Variants in CSNK1A1 observed in about 807,000 individuals in gnomAD.
CSNK1A1 encodes the protein casein kinase 1 alpha 1, also known as casein kinase I isoform alpha.
A neutral mutation model predicts 46.1 loss-of-function variants in CSNK1A1; 7 were observed. That is an observed-to-expected ratio of 0.15 (90% CI 0.09 to 0.29). The LOEUF (loss-of-function observed/expected upper bound fraction) is 0.29, where lower values mean the gene tolerates loss of function less well. CSNK1A1 is among the 10% of genes least tolerant of loss of function. The pLI, the probability that CSNK1A1 is intolerant of heterozygous loss-of-function variation, is 1.00. For missense variants in CSNK1A1, 96 were observed against 417.1 expected, an observed-to-expected ratio of 0.23 and a Z score of 6.71; for synonymous variants, 137 against 141.5, an observed-to-expected ratio of 0.97 and a Z score of 0.23.
At chr5:149,504,132 G>T (rs1760955792) in intron 9 of CSNK1A1, 1 of 985,310 alleles carries the variant, frequency 1.0e-6, no homozygotes, top group Non-Finnish European at 1.2e-6. Context: ...GAGATGCAGA[G>T]GCAGAGCACT....
chr5:149,528,378 G>C (rs1167423725), intron 2 of CSNK1A1, among the ~76,000 whole-genome samples: 2 of 152,162 alleles, frequency 1.3e-5, no homozygotes, highest in African/African-American at 4.8e-5. Context: ...TTAAACCTAA[G>C]AGACAGGAGT....
At chr5:149,513,265 G>A (rs1004334032) in intron 4 of CSNK1A1, 56 bp from the exon 5 acceptor site, 35 of 1,480,096 alleles carry the variant, frequency 2.4e-5, no homozygotes, top group African/African-American at 2.1e-4. Context: ...ATTAAACTGC[G>A]TCTTATTCAT....
Position 149,551,245 on chromosome 5 carries a change from G to A in CSNK1A1, c.-281C>T, listed in dbSNP as rs766735936. 9.6e-6 allele frequency: 3 copies of A among 311,538 alleles called. No homozygotes were observed. Among genetic ancestry groups the A allele is most frequent in the African/African-American group, 4.4e-5 (2 of 45,680 alleles). The allele number at this position is 311,538 out of a possible 1,614,324, so 19.3% of individuals were successfully genotyped here. ...CGGCGGCCGCCGCTGCCTCGCTTGC[G>A]CGGCGACGTCGCGGGCTGGAAAAGG... is the stretch of plus-strand genomic sequence containing the variant. On this transcript the variant is annotated 5_prime_UTR_variant, in exon 1 of 10. Transcript: ENST00000377843.
At chr5:149,516,092 G>A (rs566478878) in intron 4 of CSNK1A1, among the ~76,000 whole-genome samples, 4 of 152,314 alleles carry the variant, frequency 2.6e-5, no homozygotes, top group Admixed American at 2.6e-4. Flanking sequence ...GGCCAAGGCA[G>A]GTGGATCACT....
At chr5:149,502,891 C>T in intron 9 of CSNK1A1, 2 of 607,308 alleles carry the variant, frequency 3.3e-6, no homozygotes, top group Non-Finnish European at 4.1e-6. Context: ...GCCTCAGCCT[C>T]CCAAATAGCT....
At chr5:149,496,886 A>C (rs777893488) in intron 9 of CSNK1A1, 26 bp from the exon 10 acceptor site, 8 of 1,537,742 alleles carry the variant, frequency 5.2e-6, no homozygotes, top group Non-Finnish European at 6.1e-6. Flanking sequence ...AACAAAAAAA[A>C]AGTTAAAATT....
chr5:149,527,534 C>T (rs982446511), intron 2 of CSNK1A1, among the ~76,000 whole-genome samples: 4 of 152,156 alleles, frequency 2.6e-5, no homozygotes, highest in Admixed American at 6.5e-5. Flanking sequence ...CTTTCACATT[C>T]GCTGAAACAT....
Position 149,509,897 on chromosome 5 carries a change from A to G in CSNK1A1, c.732T>C (p.Pro244=). 6.2e-7 allele frequency: 1 copy of G among 1,610,194 alleles called. No homozygotes were observed. Among genetic ancestry groups the G allele is most frequent in the Non-Finnish European group, 8.5e-7 (1 of 1,178,138 alleles). ...EKISEKKMST[P]VEVLCKGFPA... ...TACTTACCTTACATAAAACTTCAAC[A>G]GGCGTGGACATCTTCTTTTCACTAA... Residue 244 remains proline, a synonymous_variant, in exon 7 of 10, where the codon CCT becomes CCC. Coordinates refer to ENST00000377843, the MANE Select transcript of CSNK1A1 (RefSeq NM_001892.6).
chr5:149,498,320 GC>G, intron 9 of CSNK1A1: 1 of 985,048 alleles, frequency 1.0e-6, no homozygotes, highest in African/African-American at 1.7e-5. Context: ...AGCACCAAAT[GC>G]CAAAAATGAA....
intron 5 of CSNK1A1, 70 bp from the exon 6 acceptor site, chr5:149,511,942 T>C: frequency 8.5e-7 from 1 of 1,177,896 alleles, no homozygotes; most frequent in Non-Finnish European, 1.2e-6. Flanking sequence ...GAAAGTCAAG[T>C]ACCCAGAAGA....
intron 2 of CSNK1A1, among the ~76,000 whole-genome samples, chr5:149,547,234 C>T (rs1029730144): frequency 6.6e-6 from 1 of 152,178 alleles, no homozygotes; most frequent in Non-Finnish European, 1.5e-5. Flanking sequence ...TTTAGCCTCA[C>T]CCACAGACAG....
At chr5:149,504,913 A>G (rs1760976977) in intron 9 of CSNK1A1, 2 of 985,532 alleles carry the variant, frequency 2.0e-6, no homozygotes, top group Non-Finnish European at 2.4e-6. Flanking sequence ...CTGAGAAGAT[A>G]GACACTTTGG....
chr5:149,544,758 T>TATATACACAC lies in CSNK1A1; in HGVS notation c.230+5316_230+5317insGTGTGTATAT, dbSNP rs3073422. Among the ~76,000 whole-genome samples the TATATACACAC allele has an allele frequency of 1.2e-4, 15 of 129,284 alleles. 1 individual carries two copies. The highest frequency in any genetic ancestry group is 1.7e-4 in the Non-Finnish European group (11 of 63,500). The allele number at this position is 129,284 out of a possible 152,430, so 84.8% of individuals were successfully genotyped here. ...AGCTTTATATATATATATATATATA[T>TATATACACAC]ATATATAGTTATTGACCAATCATGT... On this transcript the variant is annotated intron_variant, in intron 2 of 9. Transcript: ENST00000377843.
intron 2 of CSNK1A1, among the ~76,000 whole-genome samples, chr5:149,537,330 C>G (rs994414353): frequency 1.3e-5 from 2 of 152,122 alleles, no homozygotes; most frequent in Non-Finnish European, 2.9e-5. Context: ...GAGCCGAGAT[C>G]GTGCCACTGT....
At chr5:149,521,356 A>G (rs1373452951) in intron 3 of CSNK1A1, among the ~76,000 whole-genome samples, 1 of 151,056 alleles carries the variant, frequency 6.6e-6, no homozygotes. Flanking sequence ...TGCTGCCTCA[A>G]CCTTCCAGGC....
chr5:149,543,529 T>C (rs1338044371), intron 2 of CSNK1A1, among the ~76,000 whole-genome samples: 2 of 152,100 alleles, frequency 1.3e-5, no homozygotes, highest in Non-Finnish European at 2.9e-5. Flanking sequence ...CACTGTAATA[T>C]ATCTTAATGA....
chr5:149,512,690 C>T (rs1476068675), intron 5 of CSNK1A1, among the ~76,000 whole-genome samples: 3 of 152,162 alleles, frequency 2.0e-5, no homozygotes, highest in Non-Finnish European at 4.4e-5. Context: ...ATAACATTTT[C>T]CTTTTAAAAA....
chr5:149,540,895 C>T (rs1316406009), intron 2 of CSNK1A1, among the ~76,000 whole-genome samples: 9 of 151,608 alleles, frequency 5.9e-5, no homozygotes. Flanking sequence ...CTGGCCAATA[C>T]GGTGAAACCC....
At chr5:149,505,626 C>CT in intron 8 of CSNK1A1, 31 bp from the exon 9 acceptor site, 1 of 1,582,252 alleles carries the variant, frequency 6.3e-7, no homozygotes, top group Non-Finnish European at 8.7e-7. Context: ...TATGTTAATC[C>CT]TTTAATAACA....
Sources: allele counts gnomAD v4.1 joint callset (sites outside exome capture counted in the v4.1 genomes callset), GRCh38; gene constraint gnomAD v4.1.1; transcripts MANE v1.5; gene names NCBI Gene and HGNC (gene_info 2026-07-23, HGNC 2026-07-21).